The following CDH18 variants were observed in gnomAD, a reference collection of about 807,000 sequenced individuals.
CDH18 encodes the protein cadherin-18.
CDH18 carries 31 observed loss-of-function variants against 67.9 expected under a neutral mutation model. That is an observed-to-expected ratio of 0.46 (90% confidence interval 0.34 to 0.62). The LOEUF (loss-of-function observed/expected upper bound fraction) is 0.62, where lower values mean the gene tolerates loss of function less well. Among genes scored for constraint, CDH18 ranks in the 20% least tolerant of loss-of-function variants. The pLI is 0.01. For missense variants in CDH18, 890 were observed against 975.5 expected (o/e 0.91, Z 1.17); for synonymous variants, 362 against 347.2 (o/e 1.04, Z -0.48).
At chr5:20,402,385 C>T (rs958951546) in intron 1 of CDH18, among the ~76,000 whole-genome samples, 7 of 152,112 alleles carry the variant, frequency 4.6e-5, no homozygotes, top group Non-Finnish European at 1.0e-4. Flanking sequence ...TGTACCAATG[C>T]TTGTGAAATA....
intron 1 of CDH18, among the ~76,000 whole-genome samples, chr5:20,389,674 C>A (rs906979566): frequency 3.6e-4 from 55 of 152,020 alleles, no homozygotes; most frequent in Middle Eastern, 3.4e-3. Flanking sequence ...GAGCCCGCAT[C>A]GCCAAGTCAA....
chr5:19,518,515 T>C (rs1016369082), intron 10 of CDH18, among the ~76,000 whole-genome samples: 19 of 151,776 alleles, frequency 1.3e-4, no homozygotes, highest in African/African-American at 3.6e-4. Flanking sequence ...GTGGGCACCA[T>C]CTAATCAGCT....
At chr5:20,529,823 C>G (rs149589617) in intron 1 of CDH18, among the ~76,000 whole-genome samples, 14 of 151,974 alleles carry the variant, frequency 9.2e-5, no homozygotes, top group African/African-American at 3.4e-4. Flanking sequence ...CCTTGAAAAC[C>G]GGCAAAAGAC....
intron 12 of CDH18, among the ~76,000 whole-genome samples, chr5:19,480,620 G>A (rs747804480): frequency 4.6e-5 from 7 of 152,110 alleles, no homozygotes; most frequent in African/African-American, 7.2e-5. Context: ...CTCGTGATGC[G>A]CCCACCTCAG....
intron 11 of CDH18, among the ~76,000 whole-genome samples, chr5:19,494,614 C>T (rs1011509847): frequency 4.6e-5 from 7 of 152,132 alleles, no homozygotes; most frequent in Admixed American, 4.6e-4. Context: ...TATATAATCA[C>T]GTTCAATATG....
At chr5:20,312,635 T>C (rs1737097958) in intron 1 of CDH18, among the ~76,000 whole-genome samples, 1 of 152,150 alleles carries the variant, frequency 6.6e-6, no homozygotes, top group Admixed American at 6.6e-5. Context: ...CAGGTCTTTC[T>C]ACAGTTTGCC....
At chr5:20,485,564 A>C (rs909353492) in intron 1 of CDH18, among the ~76,000 whole-genome samples, 1 of 152,142 alleles carries the variant, frequency 6.6e-6, no homozygotes, top group East Asian at 1.9e-4. Flanking sequence ...AAGTTCATCT[A>C]ATAAATTTCC....
intron 2 of CDH18, among the ~76,000 whole-genome samples, chr5:19,873,773 G>T (rs904091124): frequency 4.0e-5 from 6 of 151,798 alleles, no homozygotes; most frequent in Non-Finnish European, 7.4e-5. Flanking sequence ...TCACCCTCCC[G>T]AGTAGCTGGG....
At chr5:19,924,832 T>C (rs2150180094) in intron 2 of CDH18, among the ~76,000 whole-genome samples, 1 of 152,244 alleles carries the variant, frequency 6.6e-6, no homozygotes, top group African/African-American at 2.4e-5. Flanking sequence ...ATCCACAGCG[T>C]GCAAATAGAT....
At chr5:20,490,124 A>G (rs1275022512) in intron 1 of CDH18, among the ~76,000 whole-genome samples, 2 of 151,458 alleles carry the variant, frequency 1.3e-5, no homozygotes, top group African/African-American at 4.8e-5. Flanking sequence ...AATCATTGCT[A>G]CTCGCTAAAG....
At chr5:20,210,750 C>A (rs922259105) in intron 2 of CDH18, among the ~76,000 whole-genome samples, 9 of 151,966 alleles carry the variant, frequency 5.9e-5, no homozygotes, top group African/African-American at 1.7e-4. Context: ...GGCCTTTGGA[C>A]ATAGTTTATT....
chr5:20,267,950 C>T (rs1745163057), intron 1 of CDH18, among the ~76,000 whole-genome samples: 1 of 152,100 alleles, frequency 6.6e-6, no homozygotes, highest in South Asian at 2.1e-4. Flanking sequence ...TTCCTCCTTC[C>T]CTCTTCCCAC....
At chr5:19,766,173 C>T (rs900364471) in intron 3 of CDH18, among the ~76,000 whole-genome samples, 7 of 152,200 alleles carry the variant, frequency 4.6e-5, no homozygotes, top group African/African-American at 1.7e-4. Flanking sequence ...GCCATCGTGC[C>T]CGACCCAGAA....
chr5:19,853,071 A>G (rs896516986), intron 2 of CDH18, among the ~76,000 whole-genome samples: 6 of 152,158 alleles, frequency 3.9e-5, no homozygotes, highest in African/African-American at 1.4e-4. Context: ...AGGCATGTGC[A>G]TTAGTCTTTT....
intron 2 of CDH18, among the ~76,000 whole-genome samples, chr5:20,000,785 G>A (rs1294981404): frequency 6.6e-6 from 1 of 151,894 alleles, no homozygotes; most frequent in Admixed American, 6.6e-5. Flanking sequence ...AAGAGCAGGT[G>A]AAATATGAGA....
chr5:19,747,116 C>T lies in CDH18; in HGVS notation c.349G>A (p.Asp117Asn), dbSNP rs1770115336. 15 of 1,613,910 alleles carry T rather than the reference C, an allele frequency of 9.3e-6. No homozygotes were observed. The highest frequency in any genetic ancestry group is 1.3e-5 in the Non-Finnish European group (15 of 1,180,006). The change falls in exon 4 of 13, where the codon GAC becomes AAC. Residue 117 changes from aspartate to asparagine, a missense_variant. Physicochemically the swap from Asp to Asn is conservative, Grantham distance 23. Transcript: ENST00000382275. ...ACATAGTGGGTCTTCTGCTCTCTGT[C>T]TAGGCTTTTTGTTGAGTGGATATCA... is the stretch of plus-strand genomic sequence containing the variant. ...TGDIHSTKSL[D>N]REQKTHYVLH...
At chr5:20,066,398 G>T (rs1742979810) in intron 2 of CDH18, among the ~76,000 whole-genome samples, 1 of 151,974 alleles carries the variant, frequency 6.6e-6, no homozygotes, top group Non-Finnish European at 1.5e-5. Flanking sequence ...AAATTTAAGT[G>T]CATTTATTAC....
intron 1 of CDH18, among the ~76,000 whole-genome samples, chr5:20,263,970 T>C (rs551289009): frequency 6.6e-6 from 1 of 152,278 alleles, no homozygotes; most frequent in South Asian, 2.1e-4. Context: ...GTAGAATAAA[T>C]TGCATATCTA....
At chr5:19,596,311 A>C (rs1746152868) in intron 6 of CDH18, among the ~76,000 whole-genome samples, 1 of 152,334 alleles carries the variant, frequency 6.6e-6, no homozygotes, top group Non-Finnish European at 1.5e-5. Context: ...GTTCCTGAAA[A>C]GTCACATCTA....
Sources: gnomAD v4.1 joint callset for allele counts (sites outside exome capture counted in the v4.1 genomes callset) on GRCh38, gnomAD v4.1.1 for gene constraint, MANE v1.5 for transcripts, NCBI Gene and HGNC (gene_info 2026-07-23, HGNC 2026-07-21) for gene names.